COL14A1: variants seen among roughly 807,000 people sequenced by gnomAD.
COL14A1 encodes collagen alpha-1(XIV) chain.
In COL14A1, 136 loss-of-function variants were observed where a neutral mutation model predicts 230.3. That is an observed-to-expected ratio of 0.59 (90% CI 0.51 to 0.68). The LOEUF (loss-of-function observed/expected upper bound fraction) is 0.68, where lower values mean the gene tolerates loss of function less well. Among genes scored for constraint, COL14A1 ranks in the 30% least tolerant of loss-of-function variants. COL14A1 has a pLI of 0.00. For missense variants in COL14A1, 1,976 were observed against 2,215.8 expected, an observed-to-expected ratio of 0.89 and a Z score of 2.17; for synonymous variants, 792 against 784.1, an observed-to-expected ratio of 1.01 and a Z score of -0.17.
At chr8:120,283,523 G>T in intron 31 of COL14A1, 113 bp from the exon 32 acceptor site, 1 of 1,078,736 alleles carries the variant, frequency 9.3e-7, no homozygotes, top group Non-Finnish European at 1.3e-6. Flanking sequence ...GTTAATGGTG[G>T]TCTTTTCTGT....
chr8:120,218,140 T>C (rs1490725816), intron 14 of COL14A1, among the ~76,000 whole-genome samples: 2 of 136,634 alleles, frequency 1.5e-5, no homozygotes, highest in South Asian at 2.1e-4. Context: ...ATATATAATA[T>C]ATAAATATAA....
intron 9 of COL14A1, among the ~76,000 whole-genome samples, chr8:120,205,773 T>C (rs921831975): frequency 1.3e-5 from 2 of 152,204 alleles, no homozygotes; most frequent in East Asian, 1.9e-4. Flanking sequence ...TGGTTGATGA[T>C]ACAGCATGTA....
chr8:120,218,749 G>A (rs1817841857), intron 14 of COL14A1, among the ~76,000 whole-genome samples: 1 of 152,192 alleles, frequency 6.6e-6, no homozygotes, highest in African/African-American at 2.4e-5. Context: ...CTAGGGACTG[G>A]TGGATGGGAA....
At chr8:120,365,524 C>G (rs1378578498) in intron 45 of COL14A1, among the ~76,000 whole-genome samples, 1 of 152,202 alleles carries the variant, frequency 6.6e-6, no homozygotes, top group Non-Finnish European at 1.5e-5. Flanking sequence ...TGCCTCTCAG[C>G]TAAAAACTAC....
Position 120,225,232 on chromosome 8 carries a change from G to A in COL14A1, c.1864+18G>A. The A allele has an allele frequency of 6.2e-7, 1 of 1,607,114 alleles. No individual in the cohort carries two copies. The highest frequency in any genetic ancestry group is 8.5e-7 in the Non-Finnish European group (1 of 1,177,922). On this transcript the variant is annotated intron_variant, in intron 15 of 47. Transcript: ENST00000297848. Reference sequence around the variant, plus strand: ...TACCACCGGTAAGCAGCCTCATTATGGTTTGAAAAGTTTTGAGAGTAGCTA... The same window carrying A: ...TACCACCGGTAAGCAGCCTCATTATAGTTTGAAAAGTTTTGAGAGTAGCTA...
At chr8:120,290,247 A>G (rs1820332850) in intron 34 of COL14A1, among the ~76,000 whole-genome samples, 1 of 152,210 alleles carries the variant, frequency 6.6e-6, no homozygotes. Context: ...AGGTTTTGCT[A>G]TCACTAATGT....
chr8:120,252,539 GA>G (rs889661404), intron 22 of COL14A1, among the ~76,000 whole-genome samples: 127 of 152,280 alleles, frequency 8.3e-4, no homozygotes, highest in African/African-American at 2.8e-3. Flanking sequence ...ATTGTCAAAA[GA>G]ATAAGCCTCA....
intron 1 of COL14A1, among the ~76,000 whole-genome samples, chr8:120,133,141 G>A (rs10099286): frequency 8.7e-4 from 131 of 151,180 alleles, no homozygotes; most frequent in African/African-American, 3.1e-3. Flanking sequence ...GCGTGAACCC[G>A]GGAGGCGGAG....
At chr8:120,292,647 G>A (rs1186010597) in intron 34 of COL14A1, among the ~76,000 whole-genome samples, 2 of 151,992 alleles carry the variant, frequency 1.3e-5, no homozygotes, top group Non-Finnish European at 2.9e-5. Context: ...ATATACATTT[G>A]TACTCTAATA....
intron 45 of COL14A1, among the ~76,000 whole-genome samples, chr8:120,346,730 A>T (rs530281229): frequency 6.6e-6 from 1 of 152,130 alleles, no homozygotes; most frequent in Non-Finnish European, 1.5e-5. Flanking sequence ...CAGAACCCAA[A>T]TGTCTCCGCC....
At chr8:120,128,366 C>T (rs1020388138) in intron 1 of COL14A1, among the ~76,000 whole-genome samples, 1 of 151,984 alleles carries the variant, frequency 6.6e-6, no homozygotes, top group Non-Finnish European at 1.5e-5. Context: ...AAATAATATT[C>T]CTCCTTTAGC....
intron 31 of COL14A1, among the ~76,000 whole-genome samples, chr8:120,282,045 G>A (rs1391008898): frequency 1.3e-5 from 2 of 152,010 alleles, no homozygotes; most frequent in African/African-American, 2.4e-5. Context: ...GTGCCATGCT[G>A]GTGCGCTGCA....
intron 2 of COL14A1, among the ~76,000 whole-genome samples, chr8:120,150,815 C>T (rs1366066970): frequency 3.3e-5 from 5 of 151,848 alleles, no homozygotes; most frequent in South Asian, 2.1e-4. Context: ...AAAAGATCAG[C>T]GCAGGAGATT....
chr8:120,214,299 A>G lies in COL14A1; in HGVS notation c.1597+1722A>G, dbSNP rs1817689145. Among the ~76,000 whole-genome samples, 5 of 152,328 alleles carry G rather than the reference A, an allele frequency of 3.3e-5. No individual in the cohort carries two copies. In the South Asian group the frequency reaches 8.3e-4, roughly 25 times the overall value. On this transcript the variant is annotated intron_variant, in intron 13 of 47. Transcript: ENST00000297848. ...GTTACTTCAATTTTGTGATCAATAT[A>G]GTGGGGATAATTGCAACTCTATCCT...
intron 46 of COL14A1, among the ~76,000 whole-genome samples, chr8:120,367,773 C>CAA (rs111378344): frequency 1.4e-5 from 2 of 139,666 alleles, no homozygotes; most frequent in East Asian, 2.1e-4. Flanking sequence ...CCATTTCTAC[C>CAA]AAAAAAAAAA....
At chr8:120,342,289 C>A (rs1255884163) in intron 43 of COL14A1, 91 bp from the exon 44 acceptor site, 2 of 1,314,514 alleles carry the variant, frequency 1.5e-6, no homozygotes, top group Non-Finnish European at 2.2e-6. Context: ...CTGATGGGAA[C>A]AATGGGGCAA....
chr8:120,240,193 T>C (rs112284492), intron 19 of COL14A1, among the ~76,000 whole-genome samples: 73 of 151,458 alleles, frequency 4.8e-4, no homozygotes, highest in Middle Eastern at 3.4e-3. Flanking sequence ...GTTTTTTTTT[T>C]TCTCTCTCTC....
chr8:120,330,171 T>C (rs550884068), intron 40 of COL14A1, among the ~76,000 whole-genome samples: 3 of 152,232 alleles, frequency 2.0e-5, no homozygotes, highest in East Asian at 1.9e-4. Flanking sequence ...AGCTAAGCAA[T>C]GTGCCTAGGC....
rs542293534 is a variant in COL14A1 at position 120,325,194 on chromosome 8, G to C, written c.4660-6947G>C. ...CCATAACTTAATAAGTTGCTCATAG[G>C]CAAATGTTTTTAAAAACAAATTATA... On this transcript the variant is annotated intron_variant, in intron 40 of 47. Transcript: ENST00000297848. Among the ~76,000 whole-genome samples, 46 of 152,176 alleles carry C rather than the reference G, an allele frequency of 3.0e-4. 1 individual carries two copies. Among genetic ancestry groups the C allele is most frequent in the South Asian group, 1.0e-3 (5 of 4,818 alleles).
Sources: allele counts gnomAD v4.1 joint callset (sites outside exome capture counted in the v4.1 genomes callset), GRCh38; gene constraint gnomAD v4.1.1; transcripts MANE v1.5; gene names NCBI Gene and HGNC (gene_info 2026-07-23, HGNC 2026-07-21).